Variants in C1QTNF3 observed in about 807,000 individuals in gnomAD.
C1QTNF3 encodes complement C1q tumor necrosis factor-related protein 3.
A neutral mutation model predicts 32.6 loss-of-function variants in C1QTNF3; 26 were observed. That is an observed-to-expected ratio of 0.80 (90% CI 0.58 to 1.11). The LOEUF (loss-of-function observed/expected upper bound fraction) is 1.11. Among genes scored for constraint, C1QTNF3 ranks in the 50% least tolerant of loss-of-function variants. The probability of loss-of-function intolerance (pLI) is 0.00; values close to 1 mark genes in which losing one functional copy is unlikely to be tolerated. For synonymous variants in C1QTNF3, 155 were observed against 146.0 expected, an observed-to-expected ratio of 1.06 and a Z score of -0.44; for missense variants, 362 against 398.2, an observed-to-expected ratio of 0.91 and a Z score of 0.77.
chr5:34,119,801 C>A, the C1QTNF3 span, among the ~76,000 whole-genome samples: 7 of 152,148 alleles, frequency 4.6e-5, no homozygotes, highest in Non-Finnish European at 1.0e-4. Flanking sequence ...CTAACTCCCT[C>A]TTCCATATTT....
chr5:34,082,867 T>C, the C1QTNF3 span, among the ~76,000 whole-genome samples: 14 of 151,892 alleles, frequency 9.2e-5, no homozygotes, highest in African/African-American at 2.2e-4. Flanking sequence ...CTTATGTGTA[T>C]ATGAATACAT....
the C1QTNF3 span, among the ~76,000 whole-genome samples, chr5:34,084,803 TTTTTTG>T: frequency 1.8e-4 from 22 of 119,222 alleles, 1 homozygote; most frequent in African/African-American, 7.4e-4. Context: ...TTTTTTTGTT[TTTTTTG>T]TTTTTTTTCT....
At chr5:34,053,827 T>A in the C1QTNF3 span, among the ~76,000 whole-genome samples, 1 of 152,238 alleles carries the variant, frequency 6.6e-6, no homozygotes, top group Non-Finnish European at 1.5e-5. Flanking sequence ...CCAGTGATCT[T>A]CATGCTTCAT....
At chr5:34,134,595 G>A in the C1QTNF3 span, among the ~76,000 whole-genome samples, 2 of 152,094 alleles carry the variant, frequency 1.3e-5, no homozygotes, top group South Asian at 2.1e-4. Context: ...AGTATTAAGC[G>A]AAGTACAATA....
At chr5:34,134,933 C>T in the C1QTNF3 span, among the ~76,000 whole-genome samples, 1,221 of 152,230 alleles carry the variant, frequency 8.0e-3, 26 homozygotes, top group African/African-American at 0.027. Context: ...TGCCTGATTG[C>T]CCTGGCCAGA....
the C1QTNF3 span, among the ~76,000 whole-genome samples, chr5:34,215,640 GTTGTT>G: frequency 6.6e-6 from 1 of 152,076 alleles, no homozygotes; most frequent in African/African-American, 2.4e-5. Flanking sequence ...TACTTTTTGT[GTTGTT>G]TTGTTTTTTT....
chr5:34,050,178 G>A, the C1QTNF3 span, among the ~76,000 whole-genome samples: 1 of 152,136 alleles, frequency 6.6e-6, no homozygotes, highest in African/African-American at 2.4e-5. Context: ...TCACCTCATT[G>A]TCCACATCCC....
the C1QTNF3 span, among the ~76,000 whole-genome samples, chr5:34,140,641 G>C: frequency 6.6e-6 from 1 of 152,130 alleles, no homozygotes; most frequent in African/African-American, 2.4e-5. Context: ...ACATCCCTAT[G>C]GGGATTAGAA....
chr5:34,154,947 T>C, the C1QTNF3 span, among the ~76,000 whole-genome samples: 2 of 152,178 alleles, frequency 1.3e-5, no homozygotes, highest in East Asian at 3.9e-4. Context: ...TGCTAATCAA[T>C]TTAAATAAAA....
At chr5:34,110,581 G>GA in the C1QTNF3 span, among the ~76,000 whole-genome samples, 1 of 151,260 alleles carries the variant, frequency 6.6e-6, no homozygotes, top group Non-Finnish European at 1.5e-5. Flanking sequence ...TCTCATTTGA[G>GA]AAAAAAAAGA....
At chr5:34,207,790 G>GTT in the C1QTNF3 span, among the ~76,000 whole-genome samples, 28 of 142,316 alleles carry the variant, frequency 2.0e-4, no homozygotes, top group Non-Finnish European at 2.6e-4. Context: ...GCTTGAGAAA[G>GTT]TTTTTTTTTT....
the C1QTNF3 span, among the ~76,000 whole-genome samples, chr5:34,233,888 T>A: frequency 6.6e-5 from 10 of 152,274 alleles, no homozygotes; most frequent in Admixed American, 3.9e-4. Flanking sequence ...GCTAAACAAA[T>A]ATTAACTGAC....
At chr5:34,148,892 A>G in the C1QTNF3 span, among the ~76,000 whole-genome samples, 1 of 15,470 alleles carries the variant, frequency 6.5e-5, no homozygotes, top group Non-Finnish European at 1.1e-4. Context: ...AAGGCTTCAG[A>G]CGATCAAATT....
chr5:34,207,923 G>A, the C1QTNF3 span, among the ~76,000 whole-genome samples: 1 of 152,038 alleles, frequency 6.6e-6, no homozygotes, highest in African/African-American at 2.4e-5. Context: ...GAGTAGATGG[G>A]ACTACAGGCG....
the C1QTNF3 span, among the ~76,000 whole-genome samples, chr5:34,185,830 G>A: frequency 6.6e-6 from 1 of 152,394 alleles, no homozygotes; most frequent in African/African-American, 2.4e-5. Context: ...CTGTATTTTC[G>A]TAGACAATCT....
At chr5:34,062,319 G>C in the C1QTNF3 span, among the ~76,000 whole-genome samples, 1 of 152,176 alleles carries the variant, frequency 6.6e-6, no homozygotes, top group Non-Finnish European at 1.5e-5. Context: ...TGAATCAGGA[G>C]TGAGATGGAG....
the C1QTNF3 span, among the ~76,000 whole-genome samples, chr5:34,174,484 T>C: frequency 6.6e-6 from 1 of 151,970 alleles, no homozygotes; most frequent in African/African-American, 2.4e-5. Context: ...TTCCCTCTAC[T>C]TCTTCCCTCT....
the C1QTNF3 span, among the ~76,000 whole-genome samples, chr5:34,082,572 C>T: frequency 6.6e-6 from 1 of 151,590 alleles, no homozygotes; most frequent in Non-Finnish European, 1.5e-5. Context: ...ACTATTGAAT[C>T]GATACGAAGC....
chr5:34,043,139 G>A lies in C1QTNF3; in HGVS notation c.-14C>T. ...CCTCCAAAGCATGATTCTCAACAGAGCCTCAGAGTCTCCCTGAGAAGACAG... is the reference window on the plus strand; with the variant it reads ...CCTCCAAAGCATGATTCTCAACAGAACCTCAGAGTCTCCCTGAGAAGACAG... On this transcript the variant is annotated 5_prime_UTR_variant, in exon 1 of 6. Transcript: ENST00000382065. The A allele has an allele frequency of 1.2e-6, 2 of 1,603,832 alleles. No homozygotes were observed. The highest frequency in any genetic ancestry group is 2.7e-5 in the African/African-American group (2 of 74,804).
Sources: allele counts gnomAD v4.1 joint callset (sites outside exome capture counted in the v4.1 genomes callset), GRCh38; gene constraint gnomAD v4.1.1; transcripts MANE v1.5; gene names NCBI Gene and HGNC (gene_info 2026-07-23, HGNC 2026-07-21).